The following TBC1D2B variants were observed in gnomAD, a reference collection of about 807,000 sequenced individuals.
The protein encoded by TBC1D2B is TBC1 domain family member 2B.
Under a neutral mutation model 100.8 loss-of-function variants are expected in TBC1D2B, and 64 were observed. The ratio of observed to expected loss-of-function variants is 0.64; its 90% CI spans 0.52 to 0.78. The LOEUF is 0.78. Among genes scored for constraint, TBC1D2B ranks in the 30% least tolerant of loss-of-function variants. The pLI is 0.00. For missense variants in TBC1D2B, 1,052 were observed against 1,218.4 expected, an observed-to-expected ratio of 0.86 and a Z score of 2.03; for synonymous variants, 480 against 479.7, an observed-to-expected ratio of 1.00 and a Z score of -0.01.
intron 1 of TBC1D2B, among the ~76,000 whole-genome samples, chr15:78,065,555 G>T (rs1400574496): frequency 6.6e-6 from 1 of 152,188 alleles, no homozygotes; most frequent in African/African-American, 2.4e-5. Context: ...TGACCACAGG[G>T]CTACATTCCT....
chr15:78,045,770 G>T (rs2073181983), intron 2 of TBC1D2B, among the ~76,000 whole-genome samples: 1 of 152,070 alleles, frequency 6.6e-6, no homozygotes, highest in Non-Finnish European at 1.5e-5. Flanking sequence ...CATGTTATTT[G>T]CTTGAAAATA....
intron 3 of TBC1D2B, among the ~76,000 whole-genome samples, chr15:78,033,620 C>G (rs1175858335): frequency 2.0e-5 from 3 of 152,034 alleles, no homozygotes; most frequent in Admixed American, 6.6e-5. Context: ...AATTCATCAG[C>G]CTATTCACCT....
intron 3 of TBC1D2B, among the ~76,000 whole-genome samples, chr15:78,037,432 C>T (rs2072970613): frequency 6.6e-6 from 1 of 152,272 alleles, no homozygotes; most frequent in African/African-American, 2.4e-5. Context: ...ATAAGCACTT[C>T]TTCCTGGTGT....
Position 78,025,367 on chromosome 15 carries a change from T to C in TBC1D2B, c.978A>G (p.Ser326=). The change falls in exon 5 of 13, where the codon TCA becomes TCG. Residue 326 remains serine (S), a synonymous_variant. Transcript: ENST00000300584. ...TCCTGATGCTGACGCTGCCACTGCC[T>C]GATGTGCCTTCACTTGAAGGGTCAC... The part of the protein sequence containing the change: ...SSGDPSSEGT[S]GSGSVSIRKP... 1 of 1,614,012 alleles carries C rather than the reference T, an allele frequency of 6.2e-7. No individual in the cohort carries two copies. The highest frequency in any genetic ancestry group is 8.5e-7 in the Non-Finnish European group (1 of 1,179,896).
intron 1 of TBC1D2B, among the ~76,000 whole-genome samples, chr15:78,062,989 T>C (rs1047369164): frequency 3.3e-5 from 5 of 152,244 alleles, no homozygotes; most frequent in East Asian, 1.9e-4. Context: ...GCTGGTAAAA[T>C]TGAAATAATA....
intron 3 of TBC1D2B, among the ~76,000 whole-genome samples, chr15:78,044,091 A>G (rs2073146244): frequency 6.6e-6 from 1 of 151,722 alleles, no homozygotes; most frequent in South Asian, 2.1e-4. Context: ...GGAGTTGCCT[A>G]CGGCTGAGGG....
chr15:78,055,323 C>A (rs1315933726), intron 1 of TBC1D2B, among the ~76,000 whole-genome samples: 2 of 150,074 alleles, frequency 1.3e-5, no homozygotes, highest in African/African-American at 2.5e-5. Flanking sequence ...AAAAAAAAAT[C>A]AACCAAGATG....
In TBC1D2B at chr15:78,016,536, G is replaced by C; in HGVS notation, c.1775+10C>G. ...GGTGCACTACCCTCAACAGTCACTA[G>C]CACATTTACCTGACAAGATGAGGTT... On this transcript the variant is annotated intron_variant, in intron 8 of 12. Coordinates refer to ENST00000300584, the MANE Select transcript of TBC1D2B (RefSeq NM_144572.2). The C allele has an allele frequency of 6.2e-7, 1 of 1,610,912 alleles. No individual in the cohort carries two copies. Among genetic ancestry groups the C allele is most frequent in the Non-Finnish European group, 8.5e-7 (1 of 1,179,136 alleles).
chr15:78,073,243 T>TC (rs1201056800), intron 1 of TBC1D2B, among the ~76,000 whole-genome samples: 1 of 152,180 alleles, frequency 6.6e-6, no homozygotes, highest in African/African-American at 2.4e-5. Flanking sequence ...TAGAGGAGTT[T>TC]CCCAAGAAAT....
Position 77,995,605 on chromosome 15 carries a change from T to TA in TBC1D2B, c.*2554dup, listed in dbSNP as rs1336438726. 2.6e-5 allele frequency: 4 copies of TA among 152,386 alleles called. No homozygotes were observed. 9.4% of individuals were successfully genotyped at this position (152,386 alleles called of 1,614,324 possible). On this transcript the variant is annotated 3_prime_UTR_variant, in exon 13 of 13. Transcript: ENST00000300584. ...AGAAACACCTTGAGAAAATAGCCTATAAAAATATAAACTGTAGTGAGAGTG... is the reference window on the plus strand; with the variant it reads ...AGAAACACCTTGAGAAAATAGCCTATAAAAAATATAAACTGTAGTGAGAGTG...
chr15:78,006,333 C>G (rs1596307053), intron 10 of TBC1D2B, among the ~76,000 whole-genome samples: 1 of 152,300 alleles, frequency 6.6e-6, no homozygotes, highest in South Asian at 2.1e-4. Context: ...CTAATCCCAC[C>G]CGACTGACTG....
chr15:78,071,325 T>C (rs1442108655), intron 1 of TBC1D2B, among the ~76,000 whole-genome samples: 1 of 152,254 alleles, frequency 6.6e-6, no homozygotes, highest in Non-Finnish European at 1.5e-5. Context: ...GTGAAAATTA[T>C]ATGAAATCCA....
chr15:78,033,043 G>A (rs369051233), intron 3 of TBC1D2B, among the ~76,000 whole-genome samples: 4 of 152,250 alleles, frequency 2.6e-5, no homozygotes, highest in South Asian at 2.1e-4. Context: ...GAAGAAAACT[G>A]TATCAAGGCA....
chr15:78,016,452 A>C lies in TBC1D2B; in HGVS notation c.1775+94T>G, dbSNP rs1220210851. The C allele has an allele frequency of 4.3e-6, 5 of 1,172,612 alleles. No homozygotes were observed. The African/African-American group carries it at 7.7e-5, about 18-fold the overall frequency. The allele number at this position is 1,172,612 out of a possible 1,614,324, so 72.6% of individuals were successfully genotyped here. On this transcript the variant is annotated intron_variant, in intron 8 of 12. Transcript: ENST00000300584. ...GTCATGAGCACCAAATGAGACACAC[A>C]GTTGTGTACGGCTCTCTGCGAATGG...
At chr15:78,005,128 C>A (rs553956287) in intron 10 of TBC1D2B, among the ~76,000 whole-genome samples, 36 of 152,286 alleles carry the variant, frequency 2.4e-4, no homozygotes, top group African/African-American at 8.2e-4. Context: ...TCTCTTCTCC[C>A]AACTAGGAGG....
In TBC1D2B at chr15:78,077,281, G is replaced by A. The variant is rs2073845059; in HGVS notation, c.360+12C>T. ...GGAAGCGCGCGGGCGGCTTTGGGGCGAGCGGTCCCACCTTGAGCACCGTGA... is the reference window on the plus strand; with the variant it reads ...GGAAGCGCGCGGGCGGCTTTGGGGCAAGCGGTCCCACCTTGAGCACCGTGA... On this transcript the variant is annotated intron_variant, in intron 1 of 12. Coordinates refer to ENST00000300584, the MANE Select transcript of TBC1D2B (RefSeq NM_144572.2). The A allele has an allele frequency of 1.4e-6, 2 of 1,457,026 alleles. No homozygotes were observed. 90.3% of individuals were successfully genotyped at this position (1,457,026 alleles called of 1,614,324 possible).
At chr15:78,052,670 A>C (rs2073338986) in intron 2 of TBC1D2B, among the ~76,000 whole-genome samples, 1 of 152,176 alleles carries the variant, frequency 6.6e-6, no homozygotes, top group Non-Finnish European at 1.5e-5. Context: ...AGAAAGAAGC[A>C]CTTGGTGCCC....
intron 6 of TBC1D2B, 60 bp from the exon 7 acceptor site, chr15:78,018,017 C>T (rs571282583): frequency 3.4e-5 from 30 of 894,406 alleles, no homozygotes; most frequent in Non-Finnish European, 5.2e-5. Context: ...TAATTAATTA[C>T]CCTATGTAGT....
At chr15:78,069,841 A>G (rs538898415) in intron 1 of TBC1D2B, among the ~76,000 whole-genome samples, 2 of 152,336 alleles carry the variant, frequency 1.3e-5, no homozygotes, top group South Asian at 4.1e-4. Flanking sequence ...CACCACCTCT[A>G]AAGCAGAGTG....
Sources: allele counts gnomAD v4.1 joint callset (sites outside exome capture counted in the v4.1 genomes callset), GRCh38; gene constraint gnomAD v4.1.1; transcripts MANE v1.5; gene names NCBI Gene and HGNC (gene_info 2026-07-23, HGNC 2026-07-21).